Variants in MIER1 observed in about 807,000 individuals in gnomAD.
MIER1 encodes the protein MIER1 transcriptional regulator, also known as mesoderm induction early response protein 1.
In MIER1, 40 loss-of-function variants were observed where a neutral mutation model predicts 75.7. The ratio of observed to expected loss-of-function variants is 0.53; its 90% CI spans 0.41 to 0.69. The LOEUF is 0.69. MIER1 is among the 30% of genes least tolerant of loss of function. The pLI is 0.00. For missense variants in MIER1, 574 were observed against 680.2 expected (o/e 0.84, Z 1.74); for synonymous variants, 213 against 223.4 (o/e 0.95, Z 0.42).
At chr1:66,933,611 A>G (rs1177716862) in intron 2 of MIER1, among the ~76,000 whole-genome samples, 2 of 152,122 alleles carry the variant, frequency 1.3e-5, no homozygotes, top group East Asian at 1.9e-4. Context: ...ATTAATTTCT[A>G]CTCTAAGCAA....
chr1:66,971,231 T>A (rs1183155444), intron 9 of MIER1, among the ~76,000 whole-genome samples: 1 of 152,114 alleles, frequency 6.6e-6, no homozygotes, highest in African/African-American at 2.4e-5. Context: ...AGAATCTGTG[T>A]ATATCAAGTT....
In MIER1 at chr1:66,972,946, G is replaced by T; in HGVS notation, c.1056G>T (p.Gly352=). The T allele has an allele frequency of 6.2e-7, 1 of 1,609,102 alleles. No individual in the cohort carries two copies. Among genetic ancestry groups the T allele is most frequent in the African/African-American group, 1.3e-5 (1 of 74,894 alleles). ...TEEECRNFEQ[G]LKAYGKDFHL... Reference sequence around the variant, plus strand: ...AAGAGTGTAGAAATTTTGAACAAGGGCTGAAGGCCTATGGAAAGGATTTTC... The same window carrying T: ...AAGAGTGTAGAAATTTTGAACAAGGTCTGAAGGCCTATGGAAAGGATTTTC... Residue 352 remains glycine, a synonymous_variant, in exon 11 of 14, where the codon GGG becomes GGT. Transcript: ENST00000401041.
intron 11 of MIER1, among the ~76,000 whole-genome samples, chr1:66,973,458 A>G (rs1029410713): frequency 1.7e-4 from 26 of 152,028 alleles, no homozygotes; most frequent in Admixed American, 4.6e-4. Context: ...TCAACATTTA[A>G]TTTTCTAGGA....
At chr1:66,926,892 T>C (rs1017789234) in intron 2 of MIER1, among the ~76,000 whole-genome samples, 2 of 152,166 alleles carry the variant, frequency 1.3e-5, no homozygotes, top group Admixed American at 6.5e-5. Context: ...AGGTACCTTT[T>C]TGGATTGCAT....
chr1:66,939,982 AC>A (rs1189374744), intron 2 of MIER1, 45 bp from the exon 3 acceptor site: 5 of 1,484,086 alleles, frequency 3.4e-6, no homozygotes, highest in Non-Finnish European at 4.7e-6. Context: ...TTGTGAAGAT[AC>A]ATTATACAGA....
Position 66,963,171 on chromosome 1 carries a change from A to C in MIER1, c.772+11A>C, listed in dbSNP as rs778255278. ...AAGAAAATGAAAAAGGTGGGTTATT[A>C]GTAAAGTTACGTAGCTGAATTTATG... On this transcript the variant is annotated intron_variant, in intron 8 of 13. Coordinates refer to ENST00000401041, the MANE Select transcript of MIER1 (RefSeq NM_001077700.3). The C allele has an allele frequency of 6.4e-7, 1 of 1,558,956 alleles. No individual in the cohort carries two copies. The highest frequency in any genetic ancestry group is 8.8e-7 in the Non-Finnish European group (1 of 1,130,382).
chr1:66,931,583 A>G (rs1374351495), intron 2 of MIER1, among the ~76,000 whole-genome samples: 1 of 152,134 alleles, frequency 6.6e-6, no homozygotes, highest in Non-Finnish European at 1.5e-5. Context: ...TATTCTTTTT[A>G]AAACATTCAA....
chr1:66,953,596 CTTTTT>C (rs56012776), intron 4 of MIER1, among the ~76,000 whole-genome samples: 1 of 134,672 alleles, frequency 7.4e-6, no homozygotes, highest in Non-Finnish European at 1.6e-5. Context: ...TTTTCTTTTC[CTTTTT>C]TTTTTTTTTT....
intron 7 of MIER1, among the ~76,000 whole-genome samples, chr1:66,960,433 A>G (rs1333951169): frequency 6.6e-6 from 1 of 152,232 alleles, no homozygotes; most frequent in Non-Finnish European, 1.5e-5. Context: ...AAAATTATAT[A>G]GCATATAATT....
chr1:66,930,366 A>T, intron 2 of MIER1: 2 of 1,606,686 alleles, frequency 1.2e-6, no homozygotes, highest in Non-Finnish European at 1.7e-6. Flanking sequence ...GCCGCCGCGG[A>T]GATGTGACCC....
intron 2 of MIER1, chr1:66,929,241 C>A: frequency 2.7e-6 from 1 of 365,432 alleles, no homozygotes; most frequent in Non-Finnish European, 5.1e-6. Flanking sequence ...GAATAATTCT[C>A]GTATTTAAAT....
rs750346509 is a variant in MIER1, at chr1:66,984,757, A to C, written c.1555A>C (p.Asn519His). The change falls in exon 14 of 14, where the codon AAT (asparagine) becomes CAT (histidine). Residue 519 changes from asparagine to histidine, a missense_variant. Transcript: ENST00000401041. The part of the protein sequence containing the change: ...KLAHMTARNE[N>H]DFDEKSERPA... ...TGCCCATATGACTGCAAGAAATGAAAATGATTTTGATGAAAAAAGTGAGAG... is the reference window on the plus strand; with the variant it reads ...TGCCCATATGACTGCAAGAAATGAACATGATTTTGATGAAAAAAGTGAGAG... The C allele has an allele frequency of 6.2e-7, 1 of 1,613,934 alleles. No homozygotes were observed. Among genetic ancestry groups the C allele is most frequent in the African/African-American group, 1.3e-5 (1 of 74,930 alleles).
At chr1:66,925,313 A>T (rs1651290831) in intron 1 of MIER1, 1 of 985,166 alleles carries the variant, frequency 1.0e-6, no homozygotes, top group Non-Finnish European at 1.2e-6. Context: ...CCCTCTGGCC[A>T]TCGACTGCCT....
At position 66,985,287 on chromosome 1, in the gene MIER1, A is replaced by T. The variant is rs1034098102; in HGVS notation, c.*387A>T. 5.1e-6 allele frequency: 5 copies of T among 984,544 alleles called. No individual in the cohort carries two copies. The highest frequency in any genetic ancestry group is 6.0e-6 in the Non-Finnish European group (5 of 829,000). The allele number at this position is 984,544 out of a possible 1,614,324, so 61.0% of individuals were successfully genotyped here. ...AGGTAATTTTTGCTTAGTTTGATGGATGAATGGGAAACTCAAGTCCAAATT... is the reference window on the plus strand; with the variant it reads ...AGGTAATTTTTGCTTAGTTTGATGGTTGAATGGGAAACTCAAGTCCAAATT... On this transcript the variant is annotated 3_prime_UTR_variant, in exon 14 of 14. Transcript: ENST00000401041.
Position 66,986,261 on chromosome 1 carries a change from A to G in MIER1, c.*1361A>G, listed in dbSNP as rs1415763244. ...GCTCTGTGTGATTACAGATAGGATTATCCATCTGCATAGCCTTGTAAAAGT... is the reference window on the plus strand; with the variant it reads ...GCTCTGTGTGATTACAGATAGGATTGTCCATCTGCATAGCCTTGTAAAAGT... On this transcript the variant is annotated 3_prime_UTR_variant, in exon 14 of 14. Coordinates refer to ENST00000401041, the MANE Select transcript of MIER1 (RefSeq NM_001077700.3). 1 of 1,395,460 alleles carries G rather than the reference A, an allele frequency of 7.2e-7. No individual in the cohort carries two copies. Among genetic ancestry groups the G allele is most frequent in the Non-Finnish European group, 9.3e-7 (1 of 1,079,108 alleles). 86.4% of individuals were successfully genotyped at this position (1,395,460 alleles called of 1,614,324 possible). A position where few individuals can be genotyped will look rare whatever the true frequency, so the allele number is the denominator to read the frequency against.
At chr1:66,980,059 C>G (rs1257055067) in intron 12 of MIER1, among the ~76,000 whole-genome samples, 1 of 152,180 alleles carries the variant, frequency 6.6e-6, no homozygotes, top group African/African-American at 2.4e-5. Flanking sequence ...CCACCACACC[C>G]GGCCTTGCTT....
chr1:66,955,348 T>TTG lies in MIER1; in HGVS notation c.340-2710_340-2709insGT, dbSNP rs1370275058. 1.7e-3 allele frequency among the ~76,000 whole-genome samples: 241 copies of TTG among 139,590 alleles called. 3 individuals are homozygous for TTG. The highest frequency in any genetic ancestry group is 2.0e-3 in the Non-Finnish European group (129 of 65,270). 91.6% of individuals were successfully genotyped at this position (139,590 alleles called of 152,430 possible). ...TAGCATCACCTGAGTTTTTTTTTTT[T>TTG]TTTTTTTTTTTTTTTTAATTGCAGG... On this transcript the variant is annotated intron_variant, in intron 4 of 13. Coordinates refer to ENST00000401041, the MANE Select transcript of MIER1 (RefSeq NM_001077700.3).
chr1:66,926,264 G>C, intron 2 of MIER1, 22 bp downstream of exon 2: 1 of 1,535,226 alleles, frequency 6.5e-7, no homozygotes, highest in Non-Finnish European at 9.0e-7. Flanking sequence ...TACACTTGGA[G>C]ATTAAGGGAG....
In MIER1 at chr1:66,985,949, CA is replaced by C. The variant is rs1227502405; in HGVS notation, c.*1053del. 1.0e-6 allele frequency: 1 copy of C among 983,072 alleles called. No individual in the cohort carries two copies. The highest frequency in any genetic ancestry group is 6.3e-5 in the Admixed American group (1 of 15,878). The allele number at this position is 983,072 out of a possible 1,614,324, so 60.9% of individuals were successfully genotyped here. On this transcript the variant is annotated 3_prime_UTR_variant, in exon 14 of 14. Coordinates refer to ENST00000401041, the MANE Select transcript of MIER1 (RefSeq NM_001077700.3). ...TTTCAAAATTATTTTTGAAGCAAGACAAAAGTTTAATGTCAGCTTAAGTGCT... is the reference window on the plus strand; with the variant it reads ...TTTCAAAATTATTTTTGAAGCAAGACAAAGTTTAATGTCAGCTTAAGTGCT...
Sources: gnomAD v4.1 joint callset for allele counts (sites outside exome capture counted in the v4.1 genomes callset) on GRCh38, gnomAD v4.1.1 for gene constraint, MANE v1.5 for transcripts, NCBI Gene and HGNC (gene_info 2026-07-23, HGNC 2026-07-21) for gene names.